Variants in CSMD1 observed in about 807,000 individuals in gnomAD.
CSMD1 encodes CUB and Sushi multiple domains 1.
CSMD1 carries 213 observed loss-of-function variants against 417.5 expected under a neutral mutation model. That is an observed-to-expected ratio of 0.51 (90% CI 0.46 to 0.57). The LOEUF is 0.57. Ranked by LOEUF, CSMD1 falls within the 20% of genes least tolerant of loss-of-function variation. CSMD1 has a pLI of 0.00. For synonymous variants in CSMD1, 2,862 were observed against 1,736.8 expected (o/e 1.65, Z -16.11); for missense variants, 6,923 against 4,529.7 (o/e 1.53, Z -15.17).
At chr8:4,232,592 C>G (rs1801806946) in intron 3 of CSMD1, among the ~76,000 whole-genome samples, 1 of 152,292 alleles carries the variant, frequency 6.6e-6, no homozygotes, top group Middle Eastern at 3.4e-3. Flanking sequence ...CTCTTGTGAT[C>G]CTAACCACAG....
intron 5 of CSMD1, among the ~76,000 whole-genome samples, chr8:3,916,449 T>C (rs1808837261): frequency 6.6e-6 from 1 of 152,154 alleles, no homozygotes; most frequent in African/African-American, 2.4e-5. Flanking sequence ...ATATGAACCA[T>C]GACATTACTT....
intron 1 of CSMD1, among the ~76,000 whole-genome samples, chr8:4,647,519 G>T (rs181514940): frequency 6.6e-6 from 1 of 151,826 alleles, no homozygotes; most frequent in Non-Finnish European, 1.5e-5. Context: ...CGTGTGCCAT[G>T]GTTGTTTGCT....
At chr8:3,863,568 T>A (rs1373972784) in intron 5 of CSMD1, among the ~76,000 whole-genome samples, 1 of 152,108 alleles carries the variant, frequency 6.6e-6, no homozygotes, top group African/African-American at 2.4e-5. Flanking sequence ...GCGCACTGTT[T>A]ACAAAAATAT....
At chr8:3,451,627 G>C (rs1815723386) in intron 12 of CSMD1, among the ~76,000 whole-genome samples, 1 of 152,154 alleles carries the variant, frequency 6.6e-6, no homozygotes, top group Admixed American at 6.5e-5. Context: ...GATACTTGTA[G>C]ATATATGGCA....
chr8:4,389,305 A>G (rs548795027), intron 3 of CSMD1, among the ~76,000 whole-genome samples: 84 of 152,272 alleles, frequency 5.5e-4, no homozygotes, highest in African/African-American at 2.0e-3. Flanking sequence ...CGATCATATA[A>G]CTATGTAATC....
chr8:3,471,863 T>A (rs962212103), intron 11 of CSMD1, among the ~76,000 whole-genome samples: 1 of 152,162 alleles, frequency 6.6e-6, no homozygotes, highest in Non-Finnish European at 1.5e-5. Flanking sequence ...AAGAAGAATG[T>A]GGGCATAGCC....
chr8:4,053,107 G>C (rs1419774123), intron 3 of CSMD1, among the ~76,000 whole-genome samples: 2 of 152,156 alleles, frequency 1.3e-5, no homozygotes, highest in Admixed American at 6.5e-5. Flanking sequence ...GCTGATACGA[G>C]GACCCCTTGC....
At chr8:3,369,117 A>T (rs1809788091) in intron 19 of CSMD1, 137 bp downstream of exon 19, 1 of 538,068 alleles carries the variant, frequency 1.9e-6, no homozygotes, top group Non-Finnish European at 3.3e-6. Context: ...CTTATTAAAT[A>T]ATAAGTTAAA....
chr8:3,434,242 G>A (rs1028948103), intron 12 of CSMD1, among the ~76,000 whole-genome samples: 9 of 152,114 alleles, frequency 5.9e-5, no homozygotes, highest in South Asian at 2.1e-4. Context: ...TGTAAGGTAC[G>A]ACTAAATCGT....
Position 4,673,065 on chromosome 8 carries a change from GCA to G in CSMD1, c.86-35509_86-35508del, listed in dbSNP as rs59729776. Among the ~76,000 whole-genome samples the G allele has an allele frequency of 2.0e-5, 3 of 151,310 alleles. No homozygotes were observed. The South Asian group carries it at 6.3e-4, about 32-fold the overall frequency. ...ACACACACACAAACATGCTGACATG[GCA>G]CACACACACAAGGTGAAACAACACA... On this transcript the variant is annotated intron_variant, in intron 1 of 69. Coordinates refer to ENST00000635120, the MANE Select transcript of CSMD1 (RefSeq NM_033225.6).
chr8:4,749,993 G>T (rs1012772187), intron 1 of CSMD1, among the ~76,000 whole-genome samples: 1 of 149,710 alleles, frequency 6.7e-6, no homozygotes, highest in African/African-American at 2.5e-5. Context: ...TTGTTTAATT[G>T]AAAAAAAAAT....
Position 3,865,325 on chromosome 8 carries a change from T to C in CSMD1, c.819-111283A>G, listed in dbSNP as rs78296871. Reference sequence around the variant, plus strand: ...TGTGACATACGCACTCAATTTTTAATCTGTAAACTCTGAAATGCTCTTGCT... The same window carrying C: ...TGTGACATACGCACTCAATTTTTAACCTGTAAACTCTGAAATGCTCTTGCT... On this transcript the variant is annotated intron_variant, in intron 5 of 69. Coordinates refer to ENST00000635120, the MANE Select transcript of CSMD1 (RefSeq NM_033225.6). 4.2e-3 allele frequency among the ~76,000 whole-genome samples: 643 copies of C among 152,278 alleles called. 5 individuals are homozygous for C. The highest frequency in any genetic ancestry group is 0.015 in the African/African-American group (617 of 41,568).
chr8:4,132,907 T>C (rs540293970), intron 3 of CSMD1, among the ~76,000 whole-genome samples: 1 of 152,130 alleles, frequency 6.6e-6, no homozygotes, highest in Non-Finnish European at 1.5e-5. Context: ...TATTAACAAA[T>C]CCTGAAGACT....
chr8:4,295,225 TAA>T (rs1797600979), intron 3 of CSMD1, among the ~76,000 whole-genome samples: 2 of 63,632 alleles, frequency 3.1e-5, no homozygotes, highest in Admixed American at 1.8e-4. Flanking sequence ...TATATAATCT[TAA>T]GATTATATGC....
intron 25 of CSMD1, among the ~76,000 whole-genome samples, chr8:3,302,433 C>T (rs977532338): frequency 6.6e-5 from 10 of 152,180 alleles, no homozygotes; most frequent in Admixed American, 5.2e-4. Context: ...GCAATGTTCC[C>T]ACCTCAGCTA....
chr8:3,448,750 A>T (rs1047040704), intron 12 of CSMD1, among the ~76,000 whole-genome samples: 1 of 152,182 alleles, frequency 6.6e-6, no homozygotes, highest in Non-Finnish European at 1.5e-5. Flanking sequence ...AGAGGGATGC[A>T]TTACAGAGAA....
chr8:3,918,427 C>G (rs771492189), intron 5 of CSMD1, among the ~76,000 whole-genome samples: 1 of 151,982 alleles, frequency 6.6e-6, no homozygotes, highest in Non-Finnish European at 1.5e-5. Context: ...TTTTGATTTG[C>G]GTTTGTCTGA....
At chr8:4,905,981 G>A (rs370754425) in intron 1 of CSMD1, among the ~76,000 whole-genome samples, 16 of 151,752 alleles carry the variant, frequency 1.1e-4, no homozygotes, top group African/African-American at 1.2e-4. Context: ...AAATACTTTC[G>A]GCAACACCAC....
intron 3 of CSMD1, among the ~76,000 whole-genome samples, chr8:4,057,552 T>C (rs57250617): frequency 0.016 from 2,486 of 152,182 alleles, 69 homozygotes; most frequent in African/African-American, 0.056. Flanking sequence ...ATCCCATTTG[T>C]CAATTTTGGC....
Sources: gnomAD v4.1 joint callset for allele counts (sites outside exome capture counted in the v4.1 genomes callset) on GRCh38, gnomAD v4.1.1 for gene constraint, MANE v1.5 for transcripts, NCBI Gene and HGNC (gene_info 2026-07-23, HGNC 2026-07-21) for gene names.